Variants in MAGI1 observed in about 807,000 individuals in gnomAD.
MAGI1 encodes membrane associated guanylate kinase, WW and PDZ domain containing 1.
Under a neutral mutation model 139.9 loss-of-function variants are expected in MAGI1, and 58 were observed. That is an observed-to-expected ratio of 0.41 (90% CI 0.34 to 0.52). MAGI1 has a LOEUF of 0.52. Ranked by LOEUF, MAGI1 falls within the 20% of genes least tolerant of loss-of-function variation. MAGI1 has a pLI of 0.12. For missense variants in MAGI1, 1,874 were observed against 1,901.6 expected (o/e 0.99, Z 0.27); for synonymous variants, 812 against 737.9 (o/e 1.10, Z -1.63).
At chr3:65,723,948 G>T (rs1376469179) in intron 1 of MAGI1, among the ~76,000 whole-genome samples, 1 of 152,108 alleles carries the variant, frequency 6.6e-6, no homozygotes, top group Non-Finnish European at 1.5e-5. Flanking sequence ...AAATCTACTA[G>T]GTGTACCTGT....
intron 1 of MAGI1, among the ~76,000 whole-genome samples, chr3:65,996,150 G>T (rs769772306): frequency 8.5e-5 from 13 of 152,050 alleles, no homozygotes; most frequent in Non-Finnish European, 1.5e-5. Flanking sequence ...TCGCAACTGG[G>T]CAACTATTGA....
At chr3:65,936,113 T>C (rs78433795) in intron 1 of MAGI1, among the ~76,000 whole-genome samples, 1 of 152,142 alleles carries the variant, frequency 6.6e-6, no homozygotes, top group Non-Finnish European at 1.5e-5. Flanking sequence ...GTTAAGGACT[T>C]CAACTGACCT....
chr3:65,483,497 C>T (rs191939752), intron 3 of MAGI1, among the ~76,000 whole-genome samples: 10 of 152,320 alleles, frequency 6.6e-5, no homozygotes, highest in East Asian at 5.8e-4. Flanking sequence ...ACAAACCTTA[C>T]AGACAGTATG....
At chr3:65,359,171 A>G in intron 22 of MAGI1, 1 of 1,612,152 alleles carries the variant, frequency 6.2e-7, no homozygotes, top group Non-Finnish European at 8.5e-7. Context: ...GGGAGGGCCC[A>G]GCACCAAGAA....
intron 14 of MAGI1, chr3:65,387,062 C>A: frequency 7.8e-7 from 1 of 1,275,322 alleles, no homozygotes. Context: ...TTCTGAACTT[C>A]TCCCCAGGCC....
chr3:65,921,270 A>T lies in MAGI1; in HGVS notation c.313+116726T>A, dbSNP rs75511241. Among the ~76,000 whole-genome samples the T allele has an allele frequency of 7.6e-3, 1,152 of 152,224 alleles. 13 individuals are homozygous for T. The highest frequency in any genetic ancestry group is 0.042 in the East Asian group (219 of 5,176). On this transcript the variant is annotated intron_variant, in intron 1 of 22. Coordinates refer to ENST00000402939, the MANE Select transcript of MAGI1 (RefSeq NM_001033057.2). ...CAAAAAAAATTGATTTGAGAAGATA[A>T]GATTATTAAATCAATCTGTATTTTA...
chr3:65,365,164 A>G (rs1328020651), intron 18 of MAGI1: 1 of 728,588 alleles, frequency 1.4e-6, no homozygotes, highest in Admixed American at 1.7e-5. Context: ...CCTCCTCCCA[A>G]ACAGACATCT....
At chr3:65,658,980 T>A (rs1363292640) in intron 1 of MAGI1, among the ~76,000 whole-genome samples, 1 of 152,194 alleles carries the variant, frequency 6.6e-6, no homozygotes, top group Non-Finnish European at 1.5e-5. Context: ...TTGCTTCCTT[T>A]TTATGCACTT....
intron 1 of MAGI1, among the ~76,000 whole-genome samples, chr3:65,836,889 A>C (rs2042841492): frequency 6.6e-6 from 1 of 152,150 alleles, no homozygotes; most frequent in Admixed American, 6.5e-5. Flanking sequence ...ATCTGGTGCC[A>C]AAAACACCAC....
chr3:65,358,150 G>C (rs1194861904), intron 22 of MAGI1, among the ~76,000 whole-genome samples: 1 of 152,044 alleles, frequency 6.6e-6, no homozygotes, highest in African/African-American at 2.4e-5. Flanking sequence ...GCCCATAATG[G>C]CCCCTATTTA....
At chr3:65,871,673 C>T (rs1176666756) in intron 1 of MAGI1, among the ~76,000 whole-genome samples, 1 of 152,174 alleles carries the variant, frequency 6.6e-6, no homozygotes, top group Non-Finnish European at 1.5e-5. Flanking sequence ...AAAAATCAGG[C>T]TGGGGGACTT....
intron 2 of MAGI1, among the ~76,000 whole-genome samples, chr3:65,534,413 C>T (rs535792297): frequency 1.5e-3 from 230 of 152,166 alleles, no homozygotes; most frequent in Non-Finnish European, 2.9e-3. Context: ...TTATCTGAGC[C>T]CAGGAGTTCA....
At chr3:65,525,007 G>A (rs746045628) in intron 2 of MAGI1, among the ~76,000 whole-genome samples, 3 of 152,064 alleles carry the variant, frequency 2.0e-5, no homozygotes, top group Non-Finnish European at 2.9e-5. Context: ...TTTCACCATC[G>A]AGGTTCACTT....
At chr3:65,764,084 GA>G (rs5849691) in intron 1 of MAGI1, among the ~76,000 whole-genome samples, 71 of 125,498 alleles carry the variant, frequency 5.7e-4, no homozygotes, top group East Asian at 1.9e-3. Flanking sequence ...AAGAAAAAAA[GA>G]AAAAAAAAAA....
At chr3:65,985,594 A>C (rs1220285282) in intron 1 of MAGI1, among the ~76,000 whole-genome samples, 1 of 152,200 alleles carries the variant, frequency 6.6e-6, no homozygotes, top group African/African-American at 2.4e-5. Context: ...TTAAGTGGAA[A>C]TCTCTCGTCT....
At chr3:65,723,966 C>A (rs569082679) in intron 1 of MAGI1, among the ~76,000 whole-genome samples, 1 of 152,288 alleles carries the variant, frequency 6.6e-6, no homozygotes, top group African/African-American at 2.4e-5. Context: ...TGTGAACACA[C>A]ACATTTCAAA....
At chr3:65,818,915 G>T (rs2041774378) in intron 1 of MAGI1, among the ~76,000 whole-genome samples, 1 of 152,122 alleles carries the variant, frequency 6.6e-6, no homozygotes, top group South Asian at 2.1e-4. Flanking sequence ...AACGTTGATT[G>T]AATTCCATTC....
chr3:65,532,314 T>A (rs1039124462), intron 2 of MAGI1, among the ~76,000 whole-genome samples: 1 of 152,226 alleles, frequency 6.6e-6, no homozygotes, highest in East Asian at 1.9e-4. Flanking sequence ...TAAGACACAA[T>A]GGCTTTGAGC....
At chr3:65,470,550 C>T in intron 4 of MAGI1, 66 bp from the exon 5 acceptor site, 1 of 974,712 alleles carries the variant, frequency 1.0e-6, no homozygotes, top group Non-Finnish European at 1.6e-6. Flanking sequence ...ATTCAGCAAT[C>T]ATACCCCATA....
Sources: gnomAD v4.1 joint callset for allele counts (sites outside exome capture counted in the v4.1 genomes callset) on GRCh38, gnomAD v4.1.1 for gene constraint, MANE v1.5 for transcripts, NCBI Gene and HGNC (gene_info 2026-07-23, HGNC 2026-07-21) for gene names.